Variants in DNAH2 observed in about 807,000 individuals in gnomAD.
DNAH2 encodes axonemal beta dynein heavy chain 2.
In DNAH2, 323 loss-of-function variants were observed where a neutral mutation model predicts 523.5. The ratio of observed to expected loss-of-function variants is 0.62; its 90% CI spans 0.56 to 0.68. The LOEUF is 0.68. DNAH2 is among the 30% of genes least tolerant of loss of function. DNAH2 has a pLI of 0.00. For synonymous variants in DNAH2, 2,093 were observed against 2,177.4 expected, an observed-to-expected ratio of 0.96 and a Z score of 1.08; for missense variants, 4,907 against 5,701.5, an observed-to-expected ratio of 0.86 and a Z score of 4.49.
At chr17:7,789,108 A>G (rs981898697) in intron 44 of DNAH2, among the ~76,000 whole-genome samples, 12 of 152,196 alleles carry the variant, frequency 7.9e-5, no homozygotes, top group Admixed American at 3.3e-4. Flanking sequence ...AGGCTGCAGT[A>G]AGCCAAGATT....
chr17:7,743,093 C>G lies in DNAH2; in HGVS notation c.1855C>G (p.Leu619Val). Residue 619 changes from leucine (L) to valine (V), a missense_variant, in exon 12 of 86, where the codon CTG (leucine) becomes GTG (valine). Physicochemically the swap from Leu to Val is conservative, Grantham distance 32. Coordinates refer to ENST00000572933, the MANE Select transcript of DNAH2 (RefSeq NM_020877.5). The stretch of plus-strand genomic sequence containing the variant: ...CATTCGGCGGTTGGATACCCCATTG[C>G]TGCGAATCAGCCAGGAGAAGGCGGG... ...DCIRRLDTPL[L>V]RISQEKAGML... 6.4e-7 allele frequency: 1 copy of G among 1,558,872 alleles called. No homozygotes were observed. The highest frequency in any genetic ancestry group is 8.6e-7 in the Non-Finnish European group (1 of 1,158,094).
intron 77 of DNAH2, 137 bp from the exon 78 acceptor site, chr17:7,830,163 C>CCG: frequency 7.1e-6 from 6 of 848,146 alleles, no homozygotes; most frequent in South Asian, 2.0e-5. Flanking sequence ...AGATCAACGG[C>CCG]TACATTTCAG....
At chr17:7,757,068 T>A in intron 12 of DNAH2, 23 bp from the exon 13 acceptor site, 1 of 1,613,764 alleles carries the variant, frequency 6.2e-7, no homozygotes, top group Non-Finnish European at 8.5e-7. Flanking sequence ...GTCCCCTCAC[T>A]GCCTGGCTGC....
At chr17:7,793,430 GCTTTTTCTTTCTTT>G (rs1403001507) in intron 48 of DNAH2, among the ~76,000 whole-genome samples, 134 of 136,272 alleles carry the variant, frequency 9.8e-4, no homozygotes, top group African/African-American at 3.3e-3. Flanking sequence ...TTGCCTGCTT[GCTTTTTCTTTCTTT>G]CTTTTTCTTT....
intron 8 of DNAH2, chr17:7,738,223 G>T: frequency 1.6e-6 from 1 of 640,142 alleles, no homozygotes; most frequent in Non-Finnish European, 2.9e-6. Flanking sequence ...TAGCCTCTTG[G>T]TTGTATTTTC....
At chr17:7,722,754 T>C (rs1284502395) in intron 2 of DNAH2, among the ~76,000 whole-genome samples, 1 of 152,092 alleles carries the variant, frequency 6.6e-6, no homozygotes, top group South Asian at 2.1e-4. Flanking sequence ...CCACTGCATG[T>C]TTATATCACC....
At chr17:7,722,546 T>C (rs750213612) in intron 2 of DNAH2, among the ~76,000 whole-genome samples, 6 of 152,178 alleles carry the variant, frequency 3.9e-5, no homozygotes, top group Non-Finnish European at 7.3e-5. Flanking sequence ...CTTTTAGCAG[T>C]CACTCCTGAT....
intron 56 of DNAH2, 42 bp downstream of exon 56, chr17:7,799,284 T>G: frequency 1.2e-6 from 2 of 1,606,028 alleles, no homozygotes; most frequent in Non-Finnish European, 1.7e-6. Flanking sequence ...TTCTGTGTGC[T>G]CCCTCACCCT....
chr17:7,812,767 CAAAAAAA>C (rs59534940), intron 63 of DNAH2, among the ~76,000 whole-genome samples: 1 of 23,820 alleles, frequency 4.2e-5, no homozygotes, highest in African/African-American at 1.8e-4. Context: ...CTAAAAATAC[CAAAAAAA>C]AAAAAAAAAA....
chr17:7,809,684 A>G (rs979661300), intron 63 of DNAH2, among the ~76,000 whole-genome samples: 3 of 152,152 alleles, frequency 2.0e-5, no homozygotes, highest in Admixed American at 1.3e-4. Flanking sequence ...TCATTCATCA[A>G]ACAAGCATTT....
chr17:7,820,994 G>A (rs531177073), intron 72 of DNAH2, among the ~76,000 whole-genome samples: 4 of 152,214 alleles, frequency 2.6e-5, no homozygotes, highest in African/African-American at 4.8e-5. Flanking sequence ...TGTCGAGATC[G>A]TACCATGGTA....
At chr17:7,753,274 A>G (rs2075740385) in intron 12 of DNAH2, among the ~76,000 whole-genome samples, 1 of 151,932 alleles carries the variant, frequency 6.6e-6, no homozygotes. Context: ...AGACACATTG[A>G]GTTTGAGGTG....
Position 7,792,795 on chromosome 17 carries a change from C to G in DNAH2, c.7284C>G (p.Ser2428Arg), listed in dbSNP as rs761803998. 51 of 1,614,054 alleles carry G rather than the reference C, an allele frequency of 3.2e-5. No individual in the cohort carries two copies. The highest frequency in any genetic ancestry group is 3.9e-5 in the Non-Finnish European group (46 of 1,180,032). ...CTGGGAAGACCTCCATCGCCCAGAGCGTTCTGCAGTCCCTGCCCTCCAGCC... is the reference window on the plus strand; with the variant it reads ...CTGGGAAGACCTCCATCGCCCAGAGGGTTCTGCAGTCCCTGCCCTCCAGCC... ...VGTGKTSIAQ[S>R]VLQSLPSSQW... Residue 2428 changes from serine (S) to arginine (R), a missense_variant, in exon 47 of 86, where the codon AGC (serine) becomes AGG (arginine). Physicochemically the swap from Ser to Arg is moderately radical, Grantham distance 110 (BLOSUM62 -1). Transcript: ENST00000572933.
At position 7,768,255 on chromosome 17, in the gene DNAH2, C is replaced by T; in HGVS notation, c.3929C>T (p.Ala1310Val). 1 of 1,614,162 alleles carries T rather than the reference C, an allele frequency of 6.2e-7. No individual in the cohort carries two copies. Among genetic ancestry groups the T allele is most frequent in the Non-Finnish European group, 8.5e-7 (1 of 1,180,032 alleles). ...CTCATCTCAGACCTGCGGAACCCTG[C>T]CCTTAGAGAGAGGTGAGGCTTCTCC... ...MPLISDLRNPALRERHWDQVR... is the reference protein window; with the variant it reads ...MPLISDLRNPVLRERHWDQVR... The change falls in exon 24 of 86, where the codon GCC (alanine) becomes GTC (valine). Residue 1310 changes from alanine (A) to valine (V), a missense_variant. Transcript: ENST00000572933.
rs755816059 is a variant in DNAH2, at chr17:7,798,310, A to C, written c.8384A>C (p.Gln2795Pro). The C allele has an allele frequency of 1.9e-6, 3 of 1,611,248 alleles. No homozygotes were observed. Among genetic ancestry groups the C allele is most frequent in the Admixed American group, 3.3e-5 (2 of 59,932 alleles). Residue 2795 changes from glutamine (Q) to proline (P), a missense_variant, in exon 54 of 86, where the codon CAG becomes CCG. Physicochemically the swap from Gln to Pro is moderately conservative, Grantham distance 76 (BLOSUM62 -1). Coordinates refer to ENST00000572933, the MANE Select transcript of DNAH2 (RefSeq NM_020877.5). The surrounding 1 kb of genome is among the most constrained non-coding windows in gnomAD (Gnocchi z 5.5). ...GAGGTCACCAAACATTATCGGAAGC[A>C]GGAGTTCCGAGATGGTACGGCTGGG... ...QIEVTKHYRK[Q>P]EFRDDIKRLY...
At position 7,826,100 on chromosome 17, in the gene DNAH2, G is replaced by T. The variant is rs572031361; in HGVS notation, c.11853+1373G>T. Among the ~76,000 whole-genome samples the T allele has an allele frequency of 7.9e-4, 121 of 152,260 alleles. 1 individual carries two copies. Among genetic ancestry groups the T allele is most frequent in the African/African-American group, 2.8e-3 (116 of 41,546 alleles). On this transcript the variant is annotated intron_variant, in intron 77 of 85. Transcript: ENST00000572933. Reference sequence around the variant, plus strand: ...GATTGCGCTGTTACACTGCAGCCTGGGCTCCGCCTCCCAGGTTCAAGCAGT... The same window carrying T: ...GATTGCGCTGTTACACTGCAGCCTGTGCTCCGCCTCCCAGGTTCAAGCAGT...
intron 58 of DNAH2, 100 bp from the exon 59 acceptor site, chr17:7,804,156 G>C: frequency 8.0e-7 from 1 of 1,257,406 alleles, no homozygotes; most frequent in Admixed American, 2.0e-5. Context: ...GCAACAGAAA[G>C]GAAGGCGGAC....
intron 44 of DNAH2, among the ~76,000 whole-genome samples, chr17:7,788,793 T>C (rs954402674): frequency 6.6e-6 from 1 of 152,212 alleles, no homozygotes; most frequent in African/African-American, 2.4e-5. Context: ...GCTAGGTAAT[T>C]AAACTATTAA....
chr17:7,805,129 GA>G (rs2077334665), intron 60 of DNAH2, 55 bp downstream of exon 60: 2 of 1,599,900 alleles, frequency 1.3e-6, no homozygotes, highest in Middle Eastern at 1.7e-4. Flanking sequence ...CCGGGGAAGG[GA>G]ATGGGCCAGT....
Sources: allele counts gnomAD v4.1 joint callset (sites outside exome capture counted in the v4.1 genomes callset), GRCh38; gene constraint gnomAD v4.1.1; non-coding constraint Gnocchi (gnomAD v3.1); transcripts MANE v1.5; gene names NCBI Gene and HGNC (gene_info 2026-07-23, HGNC 2026-07-21).